Variants in CCDC148 observed in about 807,000 individuals in gnomAD.
The protein encoded by CCDC148 is coiled-coil domain containing 148, also known as coiled-coil domain-containing protein 148.
Under a neutral mutation model 85.7 loss-of-function variants are expected in CCDC148, and 89 were observed. The observed-to-expected ratio is 1.04, with a 90% CI of 0.87 to 1.24. The LOEUF is 1.24. Ranked by LOEUF, CCDC148 falls within the 50% of genes most tolerant of loss-of-function variation. The pLI is 0.00. For synonymous variants in CCDC148, 230 were observed against 213.9 expected, an observed-to-expected ratio of 1.08 and a Z score of -0.66; for missense variants, 692 against 671.7, an observed-to-expected ratio of 1.03 and a Z score of -0.33.
At chr2:158,175,030 C>T (rs542754167) in intron 13 of CCDC148, among the ~76,000 whole-genome samples, 7 of 152,090 alleles carry the variant, frequency 4.6e-5, no homozygotes, top group South Asian at 2.1e-4. Context: ...TGCTTTTCAG[C>T]GCCTGAACCT....
In CCDC148 at chr2:158,325,025, CAG is replaced by C. The variant is rs562391624; in HGVS notation, c.765-11133_765-11132del. On this transcript the variant is annotated intron_variant, in intron 7 of 13. Transcript: ENST00000283233. The stretch of plus-strand genomic sequence containing the variant: ...GCAATTCCCCTCTCGCCTGCATCTT[CAG>C]AGTTTATCCTTTACTAGATTACTCT... Among the ~76,000 whole-genome samples, 457 of 151,096 alleles carry C rather than the reference CAG, an allele frequency of 3.0e-3. 1 individual carries two copies. Among genetic ancestry groups the C allele is most frequent in the African/African-American group, 0.011 (442 of 41,130 alleles).
At chr2:158,214,935 A>G (rs1160774129) in intron 11 of CCDC148, among the ~76,000 whole-genome samples, 1 of 152,222 alleles carries the variant, frequency 6.6e-6, no homozygotes, top group East Asian at 1.9e-4. Context: ...AATACAAAAA[A>G]AATCAACAAC....
At chr2:158,292,692 G>A (rs1474592427) in intron 9 of CCDC148, among the ~76,000 whole-genome samples, 1 of 152,186 alleles carries the variant, frequency 6.6e-6, no homozygotes, top group Non-Finnish European at 1.5e-5. Context: ...GTTTCTTGCT[G>A]GAGAAAAGTA....
At chr2:158,379,104 C>T (rs1684771106) in intron 1 of CCDC148, among the ~76,000 whole-genome samples, 1 of 152,064 alleles carries the variant, frequency 6.6e-6, no homozygotes. Flanking sequence ...ATTAACTATT[C>T]CAGATGCCAC....
rs761947949 is a variant in CCDC148 at position 158,321,122 on chromosome 2, C to G, written c.765-7228G>C. On this transcript the variant is annotated intron_variant, in intron 7 of 13. Transcript: ENST00000283233. ...GAGAATTTAAAATGTTTTATTCCCA[C>G]GACAAACTCAAAGTAGGTTGAATAA... Among the ~76,000 whole-genome samples the G allele has an allele frequency of 3.3e-5, 5 of 151,942 alleles. No homozygotes were observed. The East Asian group carries it at 7.7e-4, about 23-fold the overall frequency.
At chr2:158,351,594 G>C (rs545334795) in intron 2 of CCDC148, among the ~76,000 whole-genome samples, 98 of 152,332 alleles carry the variant, frequency 6.4e-4, no homozygotes, top group Non-Finnish European at 1.3e-3. Context: ...GAGTCTTGCT[G>C]ATTGCTAGCA....
intron 1 of CCDC148, among the ~76,000 whole-genome samples, chr2:158,433,074 C>CAAAAAAAAAAAAAAAAAAA (rs755383954): frequency 2.7e-5 from 2 of 74,020 alleles, no homozygotes; most frequent in African/African-American, 1.0e-4. Context: ...CTCATCTCTA[C>CAAAAAAAAAAAAAAAAAAA]AAAAAAAAAA....
chr2:158,444,734 G>A (rs1176951940), intron 1 of CCDC148, among the ~76,000 whole-genome samples: 3 of 133,264 alleles, frequency 2.3e-5, no homozygotes, highest in African/African-American at 8.2e-5. Context: ...GCAGGGAGCT[G>A]AGATTTAGCC....
intron 9 of CCDC148, among the ~76,000 whole-genome samples, chr2:158,287,089 C>T (rs1214036256): frequency 6.6e-6 from 1 of 152,054 alleles, no homozygotes; most frequent in Non-Finnish European, 1.5e-5. Flanking sequence ...AGCAGAAACC[C>T]CTATAAGCTC....
intron 10 of CCDC148, among the ~76,000 whole-genome samples, chr2:158,227,867 T>C (rs1409507507): frequency 1.3e-5 from 2 of 152,132 alleles, no homozygotes; most frequent in Non-Finnish European, 2.9e-5. Context: ...GAAGAAAACC[T>C]AGGCAATACC....
chr2:158,184,408 G>T (rs1277100579), intron 11 of CCDC148, among the ~76,000 whole-genome samples: 1 of 152,112 alleles, frequency 6.6e-6, no homozygotes, highest in Non-Finnish European at 1.5e-5. Context: ...TGTTCTAGGT[G>T]CTCAGGTTAT....
chr2:158,265,242 T>A (rs1013169533), intron 9 of CCDC148, among the ~76,000 whole-genome samples: 1 of 152,190 alleles, frequency 6.6e-6, no homozygotes, highest in African/African-American at 2.4e-5. Flanking sequence ...CTATTGAACA[T>A]TTCCTGCTTA....
chr2:158,313,902 C>G lies in CCDC148; in HGVS notation c.765-8G>C, dbSNP rs777916860. The G allele has an allele frequency of 2.5e-6, 4 of 1,607,342 alleles. No individual in the cohort carries two copies. The highest frequency in any genetic ancestry group is 3.4e-6 in the Non-Finnish European group (4 of 1,176,816). On this transcript the variant is annotated splice_polypyrimidine_tract_variant and splice_region_variant and intron_variant, in intron 7 of 13. Coordinates refer to ENST00000283233, the MANE Select transcript of CCDC148 (RefSeq NM_138803.4). ...TCACTTAGTTGACAGTTTCTAGAAG[C>G]AACAAAAATGTCACAACATATTATT... is the stretch of plus-strand genomic sequence containing the variant.
chr2:158,207,183 A>T (rs1686293282), intron 11 of CCDC148, among the ~76,000 whole-genome samples: 1 of 152,210 alleles, frequency 6.6e-6, no homozygotes, highest in South Asian at 2.1e-4. Context: ...AACTGTGTAG[A>T]AGTAGAGGAA....
At chr2:158,386,067 T>A (rs1290521478) in intron 1 of CCDC148, among the ~76,000 whole-genome samples, 1 of 152,022 alleles carries the variant, frequency 6.6e-6, no homozygotes, top group Non-Finnish European at 1.5e-5. Flanking sequence ...TTTTGCTTGG[T>A]TTTAGCAACA....
intron 10 of CCDC148, among the ~76,000 whole-genome samples, chr2:158,223,932 T>C (rs1395796144): frequency 6.6e-6 from 1 of 152,216 alleles, no homozygotes; most frequent in Non-Finnish European, 1.5e-5. Context: ...TCCAAAGGAA[T>C]GCAGCTCCTT....
intron 7 of CCDC148, among the ~76,000 whole-genome samples, chr2:158,329,365 T>C (rs1437839471): frequency 6.6e-6 from 1 of 152,234 alleles, no homozygotes; most frequent in Non-Finnish European, 1.5e-5. Flanking sequence ...TTCTGTTCCA[T>C]TGATGCATAT....
At chr2:158,285,554 G>A (rs187072891) in intron 9 of CCDC148, among the ~76,000 whole-genome samples, 2,843 of 148,172 alleles carry the variant, frequency 0.019, 96 homozygotes, top group Admixed American at 0.087. Flanking sequence ...TTTTTGAGAC[G>A]GAGTCTTGCT....
At chr2:158,253,016 G>A (rs1051537348) in intron 9 of CCDC148, among the ~76,000 whole-genome samples, 4 of 151,736 alleles carry the variant, frequency 2.6e-5, no homozygotes, top group Non-Finnish European at 4.4e-5. Context: ...AAGTCACCAG[G>A]TAGTTTGGAT....
Sources: allele counts gnomAD v4.1 joint callset (sites outside exome capture counted in the v4.1 genomes callset), GRCh38; gene constraint gnomAD v4.1.1; transcripts MANE v1.5; gene names NCBI Gene and HGNC (gene_info 2026-07-23, HGNC 2026-07-21).